Variants in UNC5C observed in about 807,000 individuals in gnomAD.
UNC5C encodes unc-5 netrin receptor C.
UNC5C carries 47 observed loss-of-function variants against 99.8 expected under a neutral mutation model. The ratio of observed to expected loss-of-function variants is 0.47; its 90% CI spans 0.37 to 0.60. UNC5C has a LOEUF of 0.60. Among genes scored for constraint, UNC5C ranks in the 20% least tolerant of loss-of-function variants. UNC5C has a pLI of 0.00. For synonymous variants in UNC5C, 487 were observed against 452.2 expected, an observed-to-expected ratio of 1.08 and a Z score of -0.98; for missense variants, 1,062 against 1,165.9, an observed-to-expected ratio of 0.91 and a Z score of 1.30.
intron 1 of UNC5C, among the ~76,000 whole-genome samples, chr4:95,410,329 T>G (rs140455219): frequency 6.6e-6 from 1 of 152,166 alleles, no homozygotes; most frequent in African/African-American, 2.4e-5. Flanking sequence ...GGTCCCAGTC[T>G]CATTAATGAA....
intron 1 of UNC5C, among the ~76,000 whole-genome samples, chr4:95,455,172 G>A (rs1457317419): frequency 1.3e-5 from 2 of 152,052 alleles, no homozygotes; most frequent in African/African-American, 4.8e-5. Context: ...TATTGAAAGA[G>A]TCATCACAGA....
At position 95,356,193 on chromosome 4, in the gene UNC5C, CAA is replaced by C. The variant is rs59097041; in HGVS notation, c.125-20564_125-20563del. Among the ~76,000 whole-genome samples the C allele has an allele frequency of 3.8e-3, 219 of 57,998 alleles. 4 individuals are homozygous for C. The highest frequency in any genetic ancestry group is 0.015 in the African/African-American group (192 of 12,654). 38.0% of individuals were successfully genotyped at this position (57,998 alleles called of 152,430 possible). ...TGGGTGACAGAGGAAGACCCTGTAG[CAA>C]AAAAAAAAAAAAAAAAACAAAACAA... On this transcript the variant is annotated intron_variant, in intron 1 of 15. Transcript: ENST00000453304.
At chr4:95,219,869 A>G (rs978271721) in intron 8 of UNC5C, 116 bp downstream of exon 8, 12 of 1,124,736 alleles carry the variant, frequency 1.1e-5, no homozygotes, top group Admixed American at 7.6e-5. Flanking sequence ...AAATTAACTC[A>G]AATTGCTGTC....
At chr4:95,269,838 A>G (rs6829077) in intron 4 of UNC5C, among the ~76,000 whole-genome samples, 77,675 of 151,588 alleles carry the variant, frequency 0.51, 20,095 homozygotes, top group Middle Eastern at 0.6. Flanking sequence ...TCAGCCTCCC[A>G]AGTAGCTAGG....
At chr4:95,345,754 C>G (rs1355203771) in intron 1 of UNC5C, among the ~76,000 whole-genome samples, 2 of 151,862 alleles carry the variant, frequency 1.3e-5, no homozygotes, top group Non-Finnish European at 2.9e-5. Context: ...CCTGAACAAC[C>G]AGTGGGTCAA....
intron 1 of UNC5C, among the ~76,000 whole-genome samples, chr4:95,343,782 C>G (rs1218877877): frequency 1.3e-5 from 2 of 151,902 alleles, no homozygotes; most frequent in Non-Finnish European, 2.9e-5. Context: ...CTGAAAGATG[C>G]AACAGACATA....
intron 5 of UNC5C, among the ~76,000 whole-genome samples, chr4:95,247,669 T>G (rs1254358795): frequency 6.6e-6 from 1 of 152,186 alleles, no homozygotes; most frequent in Non-Finnish European, 1.5e-5. Context: ...GACCCAATAT[T>G]CCTGACCCCA....
chr4:95,177,361 G>A (rs1210763715), intron 14 of UNC5C, among the ~76,000 whole-genome samples: 5 of 152,136 alleles, frequency 3.3e-5, no homozygotes, highest in Admixed American at 1.3e-4. Flanking sequence ...TTTGGTTCCT[G>A]CTGAGTGCTC....
intron 1 of UNC5C, among the ~76,000 whole-genome samples, chr4:95,507,501 T>C (rs541594795): frequency 6.6e-6 from 1 of 152,154 alleles, no homozygotes; most frequent in Admixed American, 6.6e-5. Context: ...CATTACAATT[T>C]CCTTTTTAAA....
At chr4:95,200,315 G>C (rs994152157) in intron 12 of UNC5C, among the ~76,000 whole-genome samples, 1 of 151,984 alleles carries the variant, frequency 6.6e-6, no homozygotes, top group Non-Finnish European at 1.5e-5. Context: ...TCCTTCTTTA[G>C]CTCCTTTGCT....
chr4:95,280,217 A>T (rs1277454187), intron 3 of UNC5C, among the ~76,000 whole-genome samples: 1 of 152,148 alleles, frequency 6.6e-6, no homozygotes, highest in Admixed American at 6.5e-5. Context: ...GCATTGTTAC[A>T]CATTTGCCAT....
intron 1 of UNC5C, among the ~76,000 whole-genome samples, chr4:95,354,548 T>C (rs578160716): frequency 6.7e-6 from 1 of 149,798 alleles, no homozygotes; most frequent in East Asian, 1.9e-4. Context: ...GGTGCAATAA[T>C]GGCTCACTGT....
At chr4:95,251,445 A>G (rs920424933) in intron 4 of UNC5C, among the ~76,000 whole-genome samples, 12 of 152,156 alleles carry the variant, frequency 7.9e-5, no homozygotes, top group African/African-American at 2.9e-4. Flanking sequence ...AAACTACTGA[A>G]CTATTTTTTT....
chr4:95,272,357 C>G (rs1740693504), intron 4 of UNC5C, among the ~76,000 whole-genome samples: 1 of 152,114 alleles, frequency 6.6e-6, no homozygotes, highest in Non-Finnish European at 1.5e-5. Flanking sequence ...TAAGTACATG[C>G]AAAAATCAAG....
intron 12 of UNC5C, among the ~76,000 whole-genome samples, chr4:95,185,923 G>A (rs534613632): frequency 4.6e-5 from 7 of 152,018 alleles, no homozygotes; most frequent in Non-Finnish European, 1.0e-4. Context: ...TTTGTTTCTC[G>A]AGAATTGTGG....
At chr4:95,424,682 C>T (rs1746424822) in intron 1 of UNC5C, among the ~76,000 whole-genome samples, 1 of 150,826 alleles carries the variant, frequency 6.6e-6, no homozygotes, top group South Asian at 2.1e-4. Context: ...CCACCACGCC[C>T]AGCTAATTTT....
chr4:95,533,422 A>G (rs1451359799), intron 1 of UNC5C, among the ~76,000 whole-genome samples: 3 of 151,700 alleles, frequency 2.0e-5, no homozygotes, highest in Middle Eastern at 3.2e-3. Flanking sequence ...CAAGAAAAAT[A>G]ATATGAATAA....
chr4:95,335,410 C>G lies in UNC5C; in HGVS notation c.346G>C (p.Gly116Arg). The G allele has an allele frequency of 6.2e-7, 1 of 1,610,044 alleles. No individual in the cohort carries two copies. Among genetic ancestry groups the G allele is most frequent in the Non-Finnish European group, 8.5e-7 (1 of 1,177,582 alleles). ...IVDERVDETS[G>R]LIVREVSIEI... ...AATGCAAATGCAATGGAAAACTCAC[C>G]GGAAGTTTCATCTACTCTTTCATCT... The change falls in exon 2 of 16, where the codon GGT becomes CGT. Residue 116 changes from glycine (G) to arginine (R), a missense_variant and splice_region_variant. By Grantham distance (125) the Gly-to-Arg change is moderately radical (BLOSUM62 -2). Transcript: ENST00000453304.
intron 2 of UNC5C, among the ~76,000 whole-genome samples, chr4:95,330,359 G>A (rs935064331): frequency 4.0e-5 from 6 of 151,836 alleles, no homozygotes; most frequent in African/African-American, 1.2e-4. Flanking sequence ...AAACATATTC[G>A]ACCTTTCCAT....
Sources: gnomAD v4.1 joint callset for allele counts (sites outside exome capture counted in the v4.1 genomes callset) on GRCh38, gnomAD v4.1.1 for gene constraint, MANE v1.5 for transcripts, NCBI Gene and HGNC (gene_info 2026-07-23, HGNC 2026-07-21) for gene names.